Variants in DBET observed in about 807,000 individuals in gnomAD.
DBET encodes D4Z4 binding element transcript.
exon 1 of DBET, chr4:190,066,778 GT>G (rs1740677436): frequency 1.6e-5 from 1 of 62,550 alleles, no homozygotes; most frequent in African/African-American, 3.4e-5. Flanking sequence ...AACGGTCAGC[GT>G]CCGGCGCGGG....
exon 1 of DBET, chr4:190,066,832 CCA>C (rs2126459973): frequency 7.3e-5 from 3 of 41,304 alleles, no homozygotes; most frequent in African/African-American, 1.2e-4. Flanking sequence ...CGGCGGGGCA[CCA>C]CCCATTCGCC....
In DBET at chr4:190,064,792, G is replaced by A. The variant is rs748959949; in HGVS notation, n.291G>A. 163 of 134,122 alleles carry A rather than the reference G, an allele frequency of 1.2e-3. 33 individuals carry two copies. The highest frequency in any genetic ancestry group is 2.1e-3 in the Non-Finnish European group (135 of 63,148). 8.3% of individuals were successfully genotyped at this position (134,122 alleles called of 1,614,324 possible). On this transcript the variant is annotated non_coding_transcript_exon_variant, in exon 1 of 1. Transcript: ENST00000630918. Reference sequence around the variant, plus strand: ...ACTGCAGTGGACAGGCTGTAAGCCAGACTTCATCAAATTTCTGCACCAATG... The same window carrying A: ...ACTGCAGTGGACAGGCTGTAAGCCAAACTTCATCAAATTTCTGCACCAATG...
At chr4:190,067,637 TCCCCCCCCCCCCCCCCCCCCCACCA>T (rs1740731759) in exon 1 of DBET, 2 of 108,104 alleles carry the variant, frequency 1.9e-5, no homozygotes, top group Non-Finnish European at 3.8e-5. Flanking sequence ...CACCACGCCC[TCCCCCCCCCCCCCCCCCCCCCACCA>T]CCACCACCCC....
chr4:190,065,069 T>C, exon 1 of DBET: 1 of 446,894 alleles, frequency 2.2e-6, no homozygotes, highest in Non-Finnish European at 3.9e-6. Context: ...CCTCCCAGAA[T>C]CTTGTGAGAA....
At chr4:190,064,521 G>T (rs1369987944) in exon 1 of DBET, 6 of 136,766 alleles carry the variant, frequency 4.4e-5, no homozygotes, top group African/African-American at 1.9e-4. Context: ...CTGTGGTATT[G>T]CAGTTTCACT....
At chr4:190,065,027 T>A (rs1740578983) in exon 1 of DBET, 6 of 426,112 alleles carry the variant, frequency 1.4e-5, no homozygotes, top group South Asian at 1.2e-4. Flanking sequence ...CCTCCCAGAA[T>A]CTTAAAGTGC....
At chr4:190,065,173 T>C in exon 1 of DBET, 2 of 515,632 alleles carry the variant, frequency 3.9e-6, no homozygotes, top group South Asian at 1.9e-5. Context: ...TATTTATAAA[T>C]CTATTGTGCC....
In DBET at chr4:190,064,747, T is replaced by G. The variant is rs1351769125; in HGVS notation, n.246T>G. ...GGCATTTTCTCATTAGCCCAGTTAC[T>G]GTTCTGGGTGAAAAAATAAACTGCA... On this transcript the variant is annotated non_coding_transcript_exon_variant, in exon 1 of 1. Coordinates refer to ENST00000630918, the Ensembl canonical transcript of DBET. The G allele has an allele frequency of 1.5e-5, 2 of 132,602 alleles. 1 individual carries two copies. Among genetic ancestry groups the G allele is most frequent in the Non-Finnish European group, 3.2e-5 (2 of 61,902 alleles). 8.2% of individuals were successfully genotyped at this position (132,602 alleles called of 1,614,324 possible).
chr4:190,065,110 T>A, exon 1 of DBET: 2 of 457,868 alleles, frequency 4.4e-6, no homozygotes, highest in Non-Finnish European at 7.7e-6. Flanking sequence ...TGGCATTGCT[T>A]TTGGGGATCT....
At position 190,065,113 on chromosome 4, in the gene DBET, G is replaced by A. The variant is rs797040128; in HGVS notation, n.612G>A. 6 of 463,274 alleles carry A rather than the reference G, an allele frequency of 1.3e-5. 1 individual carries two copies. Among genetic ancestry groups the A allele is most frequent in the Non-Finnish European group, 2.3e-5 (6 of 262,994 alleles). The allele number at this position is 463,274 out of a possible 1,614,324, so 28.7% of individuals were successfully genotyped here. ...ATCTGACTAGTTTGGCATTGCTTTT[G>A]GGGATCTGGGAAAATCTGTGCACAC... On this transcript the variant is annotated non_coding_transcript_exon_variant, in exon 1 of 1. Coordinates refer to ENST00000630918, the Ensembl canonical transcript of DBET.
At chr4:190,065,158 G>C in exon 1 of DBET, 1 of 497,134 alleles carries the variant, frequency 2.0e-6, no homozygotes, top group South Asian at 2.1e-5. Flanking sequence ...CCCTTGTCAT[G>C]CCATTATTTA....
exon 1 of DBET, chr4:190,065,302 C>G: frequency 3.9e-6 from 2 of 512,430 alleles, no homozygotes; most frequent in Admixed American, 6.3e-5. Context: ...TGCAGCCCAG[C>G]CAGGCCGCGC....
exon 1 of DBET, chr4:190,065,151 T>A: frequency 2.0e-6 from 1 of 491,986 alleles, no homozygotes; most frequent in Non-Finnish European, 3.6e-6. Flanking sequence ...CTGGAGACCC[T>A]TGTCATGCCA....
At chr4:190,065,049 C>G (rs1553971422) in exon 1 of DBET, 2 of 436,268 alleles carry the variant, frequency 4.6e-6, no homozygotes, top group Middle Eastern at 1.1e-3. Context: ...TTCGAACTCA[C>G]AGGCAAAATC....
rs1299454742 is a variant in DBET at position 190,065,109 on chromosome 4, T to A, written n.608T>A. 1.5e-5 allele frequency: 7 copies of A among 463,908 alleles called. 1 individual carries two copies. The East Asian group carries it at 2.0e-4, about 14-fold the overall frequency. 28.7% of individuals were successfully genotyped at this position (463,908 alleles called of 1,614,324 possible). A position where few individuals can be genotyped will look rare whatever the true frequency, so the allele number is the denominator to read the frequency against. On this transcript the variant is annotated non_coding_transcript_exon_variant, in exon 1 of 1. Transcript: ENST00000630918. ...AATGATCTGACTAGTTTGGCATTGC[T>A]TTTGGGGATCTGGGAAAATCTGTGC...
Position 190,065,151 on chromosome 4 carries a change from T to C in DBET, n.650T>C, listed in dbSNP as rs1438037535. 28 of 491,984 alleles carry C rather than the reference T, an allele frequency of 5.7e-5. 8 individuals are homozygous for C. Among genetic ancestry groups the C allele is most frequent in the East Asian group, 1.0e-4 (3 of 30,016 alleles). The allele number at this position is 491,984 out of a possible 1,614,324, so 30.5% of individuals were successfully genotyped here. On this transcript the variant is annotated non_coding_transcript_exon_variant, in exon 1 of 1. Transcript: ENST00000630918. Reference sequence around the variant, plus strand: ...AATCTGTGCACACTTCTGGAGACCCTTGTCATGCCATTATTTATAAATCTA... The same window carrying C: ...AATCTGTGCACACTTCTGGAGACCCCTGTCATGCCATTATTTATAAATCTA...
chr4:190,066,823 G>GGT, exon 1 of DBET: 1 of 54,960 alleles, frequency 1.8e-5, no homozygotes, highest in Non-Finnish European at 6.6e-5. Context: ...CGCGCCGGCC[G>GGT]GCGGGGCACC....
chr4:190,064,736 AG>A (rs1740567966), exon 1 of DBET: 1 of 132,570 alleles, frequency 7.5e-6, no homozygotes, highest in African/African-American at 3.2e-5. Flanking sequence ...TTTTCTCATT[AG>A]CCCAGTTACT....
rs1442522270 is a variant in DBET, at chr4:190,065,090, C to G, written n.589C>G. The G allele has an allele frequency of 2.2e-5, 10 of 460,618 alleles. 2 individuals carry two copies. Among genetic ancestry groups the G allele is most frequent in the African/African-American group, 8.3e-5 (3 of 36,196 alleles). The allele number at this position is 460,618 out of a possible 1,614,324, so 28.5% of individuals were successfully genotyped here. ...AGAATCTTGTGAGAACATAAATGAT[C>G]TGACTAGTTTGGCATTGCTTTTGGG... On this transcript the variant is annotated non_coding_transcript_exon_variant, in exon 1 of 1. Coordinates refer to ENST00000630918, the Ensembl canonical transcript of DBET.
Sources: allele counts gnomAD v4.1 joint callset, GRCh38; gene constraint gnomAD v4.1.1; transcripts MANE v1.5; gene names NCBI Gene and HGNC (gene_info 2026-07-23, HGNC 2026-07-21).